TPTE2: variants seen among roughly 807,000 people sequenced by gnomAD.
The protein encoded by TPTE2 is phosphatidylinositol 3,4,5-trisphosphate 3-phosphatase TPTE2.
A neutral mutation model predicts 78.6 loss-of-function variants in TPTE2; 53 were observed. The ratio of observed to expected loss-of-function variants is 0.67; its 90% CI spans 0.54 to 0.85. The LOEUF (loss-of-function observed/expected upper bound fraction) is 0.85, where lower values mean the gene tolerates loss of function less well. Ranked by LOEUF, TPTE2 falls within the 40% of genes least tolerant of loss-of-function variation. The pLI is 0.00. For missense variants in TPTE2, 461 were observed against 623.0 expected (o/e 0.74, Z 2.77); for synonymous variants, 175 against 206.2 (o/e 0.85, Z 1.30).
chr13:19,495,287 G>A (rs1040341023), intron 1 of TPTE2, among the ~76,000 whole-genome samples: 8 of 152,208 alleles, frequency 5.3e-5, no homozygotes, highest in African/African-American at 1.9e-4. Flanking sequence ...CAGAGCTCTG[G>A]AGGGGGTGAA....
chr13:19,536,432 G>A (rs975103551), intron 1 of TPTE2, among the ~76,000 whole-genome samples: 9 of 152,128 alleles, frequency 5.9e-5, no homozygotes, highest in Non-Finnish European at 1.3e-4. Context: ...AGACAGTACT[G>A]TCGAAGCCCC....
intron 3 of TPTE2, among the ~76,000 whole-genome samples, chr13:19,489,275 T>C (rs746392974): frequency 6.6e-6 from 1 of 152,078 alleles, no homozygotes; most frequent in Non-Finnish European, 1.5e-5. Flanking sequence ...GGTGAGAACA[T>C]GCTGTTGGAA....
chr13:19,450,965 C>T (rs1308909077), intron 11 of TPTE2, among the ~76,000 whole-genome samples, 200 bp downstream of exon 14: 1 of 152,196 alleles, frequency 6.6e-6, no homozygotes, highest in African/African-American at 2.4e-5. Flanking sequence ...GCCAAAGCCA[C>T]ATCCTTCATA....
the TPTE2 span, among the ~76,000 whole-genome samples, chr13:19,542,234 A>G: frequency 2.6e-5 from 4 of 152,256 alleles, no homozygotes; most frequent in African/African-American, 7.2e-5. Flanking sequence ...AGCTCACTGC[A>G]GCCTCCAATT....
chr13:19,522,397 A>C (rs1303681194), intron 1 of TPTE2, among the ~76,000 whole-genome samples: 1 of 152,184 alleles, frequency 6.6e-6, no homozygotes, highest in Non-Finnish European at 1.5e-5. Flanking sequence ...TCCTCCACTC[A>C]CAAAATTGTG....
intron 10 of TPTE2, among the ~76,000 whole-genome samples, chr13:19,454,206 A>G (rs6490308): frequency 0.75 from 113,616 of 152,184 alleles, 44,814 homozygotes; most frequent in East Asian, 0.96. Flanking sequence ...TGAAATTGTA[A>G]TGTCTGCTTT....
exon 18 of TPTE2, chr13:19,426,456 T>A: frequency 6.2e-7 from 1 of 1,607,496 alleles, no homozygotes; most frequent in Non-Finnish European, 8.5e-7. Context: ...CACATCATCA[T>A]ACAGAGGTGG....
chr13:19,436,440 T>TCTTG (rs1377105581), intron 14 of TPTE2, 134 bp from the exon 18 acceptor site: 2 of 810,840 alleles, frequency 2.5e-6, no homozygotes, highest in Non-Finnish European at 3.8e-6. Context: ...TTTGGTAGAG[T>TCTTG]CTTGCTCTGC....
chr13:19,509,516 G>A (rs1269354585), intron 1 of TPTE2, among the ~76,000 whole-genome samples: 5 of 152,076 alleles, frequency 3.3e-5, no homozygotes, highest in Admixed American at 6.6e-5. Context: ...GGATGGAATG[G>A]AAAAATTCCT....
chr13:19,512,869 G>A (rs1191531340), intron 1 of TPTE2, among the ~76,000 whole-genome samples: 3 of 152,124 alleles, frequency 2.0e-5, no homozygotes, highest in Non-Finnish European at 2.9e-5. Context: ...CAGCCACCAT[G>A]CCCAGCCAGA....
At chr13:19,445,907 C>T (rs2137518610) in intron 13 of TPTE2, among the ~76,000 whole-genome samples, 1 of 152,322 alleles carries the variant, frequency 6.6e-6, no homozygotes, top group Non-Finnish European at 1.5e-5. Context: ...TGTCACTGCA[C>T]TCCAGCCTGG....
intron 7 of TPTE2, 106 bp from the exon 11 acceptor site, chr13:19,465,670 C>T (rs1668945892): frequency 4.3e-6 from 4 of 924,826 alleles, no homozygotes; most frequent in Non-Finnish European, 6.4e-6. Context: ...TTTCCCTCCT[C>T]TCCCCAATTA....
intron 19 of TPTE2, among the ~76,000 whole-genome samples, 182 bp from the exon 23 acceptor site, chr13:19,423,346 A>G (rs139197349): frequency 5.3e-4 from 80 of 152,258 alleles, no homozygotes; most frequent in African/African-American, 1.9e-3. Flanking sequence ...AAATACTTTA[A>G]TCTTCAGCAA....
chr13:19,525,694 G>T (rs1437917555), intron 1 of TPTE2, among the ~76,000 whole-genome samples: 1 of 152,066 alleles, frequency 6.6e-6, no homozygotes, highest in African/African-American at 2.4e-5. Flanking sequence ...AAACAGACAA[G>T]TGGAACCTAA....
At chr13:19,519,815 G>C (rs1054373374) in intron 1 of TPTE2, among the ~76,000 whole-genome samples, 2 of 152,150 alleles carry the variant, frequency 1.3e-5, no homozygotes, top group Non-Finnish European at 2.9e-5. Flanking sequence ...TCTACAAAAA[G>C]AGAAGCTAGG....
intron 1 of TPTE2, among the ~76,000 whole-genome samples, chr13:19,516,469 T>G (rs1163163746): frequency 6.6e-6 from 1 of 152,228 alleles, no homozygotes; most frequent in African/African-American, 2.4e-5. Flanking sequence ...ACCTTTATCC[T>G]GTTTATGCAA....
chr13:19,448,796 G>A, intron 13 of TPTE2, among the ~76,000 whole-genome samples: 1 of 152,296 alleles, frequency 6.6e-6, no homozygotes, highest in South Asian at 2.1e-4. Flanking sequence ...ATGATTTGGA[G>A]ATTCCACTTC....
chr13:19,458,943 G>A (rs962352051), intron 10 of TPTE2, among the ~76,000 whole-genome samples: 2 of 152,148 alleles, frequency 1.3e-5, no homozygotes, highest in African/African-American at 4.8e-5. Flanking sequence ...CCCCATAATG[G>A]GATTGCTGGG....
At chr13:19,505,708 T>G (rs1233667411), upstream of TPTE2, 1 of 152,100 alleles carries the variant, frequency 6.6e-6, no homozygotes, top group Non-Finnish European at 1.5e-5. Flanking sequence ...TTTCATGAAC[T>G]CTGTTCTTTT....
Sources: gnomAD v4.1 joint callset for allele counts (sites outside exome capture counted in the v4.1 genomes callset) on GRCh38, gnomAD v4.1.1 for gene constraint, MANE v1.5 for transcripts, NCBI Gene and HGNC (gene_info 2026-07-23, HGNC 2026-07-21) for gene names.